The following CDC6 variants were observed in gnomAD, a reference collection of about 807,000 sequenced individuals.
CDC6 encodes DNA replication factor CDC6.
Under a neutral mutation model 60.2 loss-of-function variants are expected in CDC6, and 46 were observed. The observed-to-expected ratio is 0.76, with a 90% confidence interval of 0.60 to 0.98. CDC6 has a LOEUF of 0.98. Among genes scored for constraint, CDC6 ranks in the 50% least tolerant of loss-of-function variants. The pLI is 0.00. For synonymous variants in CDC6, 210 were observed against 233.2 expected, an observed-to-expected ratio of 0.90 and a Z score of 0.90; for missense variants, 596 against 652.9, an observed-to-expected ratio of 0.91 and a Z score of 0.95.
At chr17:40,298,493 T>G (rs1427667742) in intron 9 of CDC6, among the ~76,000 whole-genome samples, 2 of 151,852 alleles carry the variant, frequency 1.3e-5, no homozygotes, top group Non-Finnish European at 2.9e-5. Context: ...CATGGCTCAC[T>G]GCAGCTGCAA....
intron 4 of CDC6, among the ~76,000 whole-genome samples, chr17:40,291,990 G>T (rs956558325): frequency 6.6e-6 from 1 of 152,094 alleles, no homozygotes; most frequent in African/African-American, 2.4e-5. Flanking sequence ...CTCATGGTCC[G>T]CCCTTGTTGG....
At position 40,293,510 on chromosome 17, in the gene CDC6, G is replaced by A. The variant is rs1218178814; in HGVS notation, c.715G>A (p.Ala239Thr). ...IMLNCMSLRTAQAVFPAIAQE... is the reference protein window; with the variant it reads ...IMLNCMSLRTTQAVFPAIAQE... The stretch of plus-strand genomic sequence containing the variant: ...GCTGAATTGCATGTCCTTGAGGACT[G>A]CCCAGGCTGTATTCCCAGCTATTGC... Residue 239 changes from alanine to threonine, a missense_variant, in exon 5 of 12, where the codon GCC becomes ACC. Coordinates refer to ENST00000209728, the MANE Select transcript of CDC6 (RefSeq NM_001254.4). 6.2e-7 allele frequency: 1 copy of A among 1,613,896 alleles called. No homozygotes were observed. Among genetic ancestry groups the A allele is most frequent in the East Asian group, 2.2e-5 (1 of 44,878 alleles).
chr17:40,294,543 A>G, intron 7 of CDC6, 40 bp downstream of exon 7: 1 of 1,600,872 alleles, frequency 6.2e-7, no homozygotes, highest in Non-Finnish European at 8.6e-7. Context: ...TGTTCCTTGG[A>G]TCACCTGTGC....
chr17:40,295,480 C>A, intron 8 of CDC6, 24 bp downstream of exon 8: 773 of 1,201,630 alleles, frequency 6.4e-4, no homozygotes, highest in Non-Finnish European at 8.8e-4. Context: ...CTGTTGCATT[C>A]TTTTATTAAA....
chr17:40,288,300 G>A (rs984793592), intron 1 of CDC6, among the ~76,000 whole-genome samples: 36 of 152,252 alleles, frequency 2.4e-4, no homozygotes, highest in African/African-American at 8.7e-4. Flanking sequence ...CTGAGCTGCA[G>A]TGTGAGGGCT....
At chr17:40,297,216 C>A (rs575569455) in intron 9 of CDC6, among the ~76,000 whole-genome samples, 1 of 152,112 alleles carries the variant, frequency 6.6e-6, no homozygotes, top group Non-Finnish European at 1.5e-5. Context: ...GCGGGAGGAT[C>A]GCTTGAGCCC....
In CDC6 at chr17:40,295,341, A is replaced by G. The variant is rs2032841757; in HGVS notation, c.1084-15A>G. On this transcript the variant is annotated splice_polypyrimidine_tract_variant and intron_variant, in intron 7 of 11. Coordinates refer to ENST00000209728, the MANE Select transcript of CDC6 (RefSeq NM_001254.4). ...CTTATGGTTCAAACTGTCATCTTCT[A>G]TGTCTTGTCTGAAGGTATCTAGAGA... The G allele has an allele frequency of 4.6e-6, 7 of 1,530,128 alleles. No homozygotes were observed. Among genetic ancestry groups the G allele is most frequent in the Non-Finnish European group, 5.4e-6 (6 of 1,103,348 alleles). 94.8% of individuals were successfully genotyped at this position (1,530,128 alleles called of 1,614,324 possible).
chr17:40,301,347 G>T, intron 10 of CDC6, 121 bp from the exon 11 acceptor site: 1 of 921,192 alleles, frequency 1.1e-6, no homozygotes, highest in Middle Eastern at 2.1e-4. Context: ...TTATTGAAAA[G>T]AGGAAGAAAT....
chr17:40,303,238 G>T lies in CDC6; in HGVS notation c.*1237G>T, dbSNP rs565200232. 6 of 152,342 alleles carry T rather than the reference G, an allele frequency of 3.9e-5. No individual in the cohort carries two copies. Among genetic ancestry groups the T allele is most frequent in the African/African-American group, 1.4e-4 (6 of 41,566 alleles). The allele number at this position is 152,342 out of a possible 1,614,324, so 9.4% of individuals were successfully genotyped here. A position where few individuals can be genotyped will look rare whatever the true frequency, so the allele number is the denominator to read the frequency against. On this transcript the variant is annotated 3_prime_UTR_variant, in exon 12 of 12. Transcript: ENST00000209728. ...AAAGGGGATGCTTGAGGCTGAGGTA[G>T]TTTTGAGGGAAAGGGGGAAGTTCTA...
In CDC6 at chr17:40,291,132, C is replaced by A. The variant is rs2032753411; in HGVS notation, c.253C>A (p.Pro85Thr). The part of the protein sequence containing the change: ...PPKQGKKENG[P>T]PHSHTLKGRR... ...AAAGCAAGGCAAGAAAGAGAATGGT[C>A]CCCCTCACTCACATACACTTAAGGG... The change falls in exon 3 of 12, where the codon CCC (proline) becomes ACC (threonine). Residue 85 changes from proline to threonine, a missense_variant. Physicochemically the swap from Pro to Thr is conservative, Grantham distance 38. Transcript: ENST00000209728. The A allele has an allele frequency of 6.2e-7, 1 of 1,613,994 alleles. No homozygotes were observed. The highest frequency in any genetic ancestry group is 2.2e-5 in the East Asian group (1 of 44,884).
chr17:40,293,507 A>G lies in CDC6; in HGVS notation c.712A>G (p.Thr238Ala), dbSNP rs4135010. The change falls in exon 5 of 12, where the codon ACT becomes GCT. Residue 238 changes from threonine to alanine, a missense_variant. By Grantham distance (58) the Thr-to-Ala change is moderately conservative. Transcript: ENST00000209728. ...TIMLNCMSLRTAQAVFPAIAQ... is the reference protein window; with the variant it reads ...TIMLNCMSLRAAQAVFPAIAQ... ...CATGCTGAATTGCATGTCCTTGAGG[A>G]CTGCCCAGGCTGTATTCCCAGCTAT... The G allele has an allele frequency of 3.1e-3, 4,947 of 1,613,976 alleles. 13 individuals carry two copies. The highest frequency in any genetic ancestry group is 4.0e-3 in the Non-Finnish European group (4,755 of 1,179,874).
rs202080124 is a variant in CDC6, at chr17:40,301,060, G to C, written c.1452+30G>C. ...GTTGGGATGGAGCAGATGGAACGGA[G>C]GTAGAGATCAGAATCTGCTTTGCAG... On this transcript the variant is annotated intron_variant, in intron 10 of 11. Coordinates refer to ENST00000209728, the MANE Select transcript of CDC6 (RefSeq NM_001254.4). The C allele has an allele frequency of 1.8e-5, 26 of 1,476,118 alleles. No homozygotes were observed. In the South Asian group the frequency reaches 2.4e-4, roughly 14 times the overall value. The allele number at this position is 1,476,118 out of a possible 1,614,324, so 91.4% of individuals were successfully genotyped here.
intron 4 of CDC6, among the ~76,000 whole-genome samples, chr17:40,292,131 G>T (rs4135005): frequency 0.015 from 2,309 of 152,188 alleles, 30 homozygotes; most frequent in Non-Finnish European, 0.023. Context: ...TGACCTCTTG[G>T]GCTCAGGTGA....
At chr17:40,289,924 A>G (rs540440216) in intron 2 of CDC6, among the ~76,000 whole-genome samples, 12 of 132,736 alleles carry the variant, frequency 9.0e-5, no homozygotes, top group African/African-American at 3.2e-4. Flanking sequence ...GGGTTTTGCC[A>G]TATTGGCCAA....
intron 4 of CDC6, 113 bp downstream of exon 4, chr17:40,291,781 T>C: frequency 8.9e-7 from 1 of 1,120,812 alleles, no homozygotes; most frequent in Non-Finnish European, 1.3e-6. Context: ...AGTCTCGCTC[T>C]GTCGCCTAGG....
chr17:40,294,558 A>G lies in CDC6; in HGVS notation c.1083+55A>G, dbSNP rs975568116. 16 of 1,526,892 alleles carry G rather than the reference A, an allele frequency of 1.0e-5. No homozygotes were observed. In the African/African-American group the frequency reaches 1.6e-4, roughly 16 times the overall value. 94.6% of individuals were successfully genotyped at this position (1,526,892 alleles called of 1,614,324 possible). A position where few individuals can be genotyped will look rare whatever the true frequency, so the allele number is the denominator to read the frequency against. ...TGTTCCTTGGATCACCTGTGCTAGG[A>G]AAATTTAACAATAGTTCTAAAATAT... On this transcript the variant is annotated intron_variant, in intron 7 of 11. Coordinates refer to ENST00000209728, the MANE Select transcript of CDC6 (RefSeq NM_001254.4).
chr17:40,296,908 G>A lies in CDC6; in HGVS notation c.1249+141G>A, dbSNP rs372885064. On this transcript the variant is annotated intron_variant, in intron 9 of 11. Coordinates refer to ENST00000209728, the MANE Select transcript of CDC6 (RefSeq NM_001254.4). ...TGTGTCTGTGTTTTTAGTCCGTTTC[G>A]TCTACTTTATTTCAATCTTGCCTGC... is the stretch of plus-strand genomic sequence containing the variant. The A allele has an allele frequency of 9.7e-6, 7 of 720,944 alleles. No individual in the cohort carries two copies. In the African/African-American group the frequency reaches 1.1e-4, roughly 11 times the overall value. 44.7% of individuals were successfully genotyped at this position (720,944 alleles called of 1,614,324 possible).
At chr17:40,292,702 G>A (rs1598514913) in intron 4 of CDC6, among the ~76,000 whole-genome samples, 2 of 152,062 alleles carry the variant, frequency 1.3e-5, no homozygotes, top group South Asian at 4.2e-4. Context: ...GGCCGAGGCG[G>A]GCGGATCATG....
intron 4 of CDC6, among the ~76,000 whole-genome samples, chr17:40,292,446 C>T (rs1001615444): frequency 1.3e-5 from 2 of 151,564 alleles, no homozygotes; most frequent in African/African-American, 4.8e-5. Context: ...CCCTGGTCAA[C>T]ATGGTGAAAC....
Sources: allele counts gnomAD v4.1 joint callset (sites outside exome capture counted in the v4.1 genomes callset), GRCh38; gene constraint gnomAD v4.1.1; transcripts MANE v1.5; gene names NCBI Gene and HGNC (gene_info 2026-07-23, HGNC 2026-07-21).